Variants in THNSL1 observed in about 807,000 individuals in gnomAD.
THNSL1 encodes the protein threonine synthase like 1.
In THNSL1, 48 loss-of-function variants were observed where a neutral mutation model predicts 50.4. That is an observed-to-expected ratio of 0.95 (90% CI 0.76 to 1.21). THNSL1 has a LOEUF of 1.21. THNSL1 is among the 50% of genes most tolerant of loss of function. THNSL1 has a pLI of 0.00. For missense variants in THNSL1, 896 were observed against 871.7 expected, an observed-to-expected ratio of 1.03 and a Z score of -0.35; for synonymous variants, 309 against 306.1, an observed-to-expected ratio of 1.01 and a Z score of -0.10.
upstream of THNSL1, among the ~76,000 whole-genome samples, chr10:25,013,769 C>T (rs960415234): frequency 6.6e-6 from 1 of 151,952 alleles, no homozygotes; most frequent in Admixed American, 6.6e-5. Context: ...ATGGTGAAAC[C>T]CCATCCCTAC....
chr10:24,974,089 A>T, the THNSL1 span, among the ~76,000 whole-genome samples: 2 of 152,184 alleles, frequency 1.3e-5, no homozygotes, highest in African/African-American at 2.4e-5. Context: ...TGTAAAAAAA[A>T]TTGAATAAGC....
chr10:24,970,076 T>C, the THNSL1 span, among the ~76,000 whole-genome samples: 2 of 152,328 alleles, frequency 1.3e-5, no homozygotes, highest in African/African-American at 4.8e-5. Context: ...TCTTACAAAG[T>C]TTTATTTTAT....
At chr10:25,006,327 A>T in the THNSL1 span, among the ~76,000 whole-genome samples, 1 of 152,080 alleles carries the variant, frequency 6.6e-6, no homozygotes, top group South Asian at 2.1e-4. Flanking sequence ...TATTACACAC[A>T]TGGTCTCCTC....
rs1850804712 is a variant in THNSL1, at chr10:25,024,643, G to A, written c.1420G>A (p.Gly474Ser). Residue 474 changes from glycine to serine, a missense_variant, in exon 3 of 3, where the codon GGC (glycine) becomes AGC (serine). Gly to Ser is a moderately conservative substitution (Grantham distance 56). Coordinates refer to ENST00000376356, the MANE Select transcript of THNSL1 (RefSeq NM_024838.5). ...ILSSANSINWGRLLPQVVYHA... is the reference protein window; with the variant it reads ...ILSSANSINWSRLLPQVVYHA... ...AAGTTCGGCTAACTCCATAAACTGG[G>A]GCCGACTACTTCCGCAGGTAGTTTA... 1.2e-6 allele frequency: 2 copies of A among 1,614,192 alleles called. No individual in the cohort carries two copies. The highest frequency in any genetic ancestry group is 8.5e-7 in the Non-Finnish European group (1 of 1,180,044).
At chr10:24,976,410 T>G in the THNSL1 span, among the ~76,000 whole-genome samples, 1 of 152,166 alleles carries the variant, frequency 6.6e-6, no homozygotes, top group South Asian at 2.1e-4. Context: ...CTCACATGGT[T>G]GCAATGTTAA....
the THNSL1 span, among the ~76,000 whole-genome samples, chr10:24,996,320 G>A: frequency 2.0e-5 from 3 of 152,168 alleles, no homozygotes; most frequent in African/African-American, 7.2e-5. Flanking sequence ...TACTCAGGAG[G>A]CTGAGGTGGG....
the THNSL1 span, among the ~76,000 whole-genome samples, chr10:24,969,838 C>T: frequency 6.6e-6 from 1 of 152,304 alleles, no homozygotes; most frequent in East Asian, 1.9e-4. Flanking sequence ...AGCTTGATTG[C>T]CTTAGAAAAA....
chr10:25,013,319 A>G (rs1041672785), upstream of THNSL1, among the ~76,000 whole-genome samples: 1 of 152,262 alleles, frequency 6.6e-6, no homozygotes, highest in African/African-American at 2.4e-5. Flanking sequence ...CACAAAAAGA[A>G]TGGTTAACAG....
upstream of THNSL1, chr10:25,016,086 C>G (rs796767020): frequency 3.5e-5 from 48 of 1,383,622 alleles, no homozygotes; most frequent in African/African-American, 5.9e-4. Flanking sequence ...CCCCCTTTAA[C>G]CCCCTCTTAG....
the THNSL1 span, chr10:24,984,313 C>G: frequency 6.4e-7 from 1 of 1,571,742 alleles, no homozygotes; most frequent in Non-Finnish European, 8.6e-7. Context: ...CAAGAAGGCA[C>G]GTGTTACTAT....
At chr10:24,981,144 T>G in the THNSL1 span, among the ~76,000 whole-genome samples, 2 of 152,224 alleles carry the variant, frequency 1.3e-5, no homozygotes, top group African/African-American at 2.4e-5. Flanking sequence ...GTCCAGGCAA[T>G]AACTCAGGCT....
chr10:24,956,756 A>C, the THNSL1 span, among the ~76,000 whole-genome samples: 2 of 152,232 alleles, frequency 1.3e-5, no homozygotes, highest in Admixed American at 1.3e-4. Flanking sequence ...GGTGTCCCCA[A>C]CTACCGGGCT....
chr10:25,006,942 T>G, the THNSL1 span, among the ~76,000 whole-genome samples: 4,022 of 152,308 alleles, frequency 0.026, 196 homozygotes, highest in African/African-American at 0.089. Context: ...GTGAAAAAGA[T>G]CAATAACTGG....
At chr10:25,020,278 A>ATCTATATCTATATC (rs1169344482) in intron 1 of THNSL1, among the ~76,000 whole-genome samples, 1 of 148,846 alleles carries the variant, frequency 6.7e-6, no homozygotes, top group Non-Finnish European at 1.5e-5. Flanking sequence ...CTATATCTAT[A>ATCTATATCTATATC]TATATCTACC....
At chr10:24,985,010 G>A in the THNSL1 span, 1 of 889,558 alleles carries the variant, frequency 1.1e-6, no homozygotes, top group Non-Finnish European at 1.8e-6. Context: ...AAAAGAAACT[G>A]ACAAAAATAA....
At chr10:25,006,883 T>G in the THNSL1 span, among the ~76,000 whole-genome samples, 26 of 152,196 alleles carry the variant, frequency 1.7e-4, no homozygotes, top group Non-Finnish European at 3.1e-4. Context: ...GGGCCTGAGA[T>G]TTTTCTTCTG....
the THNSL1 span, among the ~76,000 whole-genome samples, chr10:24,996,202 C>T: frequency 1.3e-5 from 2 of 152,168 alleles, no homozygotes; most frequent in Non-Finnish European, 2.9e-5. Flanking sequence ...GTGGGCAGAT[C>T]GCTTGAGCTC....
At position 25,025,718 on chromosome 10, in the gene THNSL1, A is replaced by G. The variant is rs937796817; in HGVS notation, c.*263A>G. On this transcript the variant is annotated 3_prime_UTR_variant, in exon 3 of 3. Coordinates refer to ENST00000376356, the MANE Select transcript of THNSL1 (RefSeq NM_024838.5). ...CCTTCTGCTCATGAGGGGTGTATCA[A>G]TTTCCACTCCCACACCCTCACTGTT... 1.6e-4 allele frequency: 62 copies of G among 388,480 alleles called. No individual in the cohort carries two copies. Among genetic ancestry groups the G allele is most frequent in the African/African-American group, 1.2e-4 (6 of 48,792 alleles). The allele number at this position is 388,480 out of a possible 1,614,324, so 24.1% of individuals were successfully genotyped here. A position where few individuals can be genotyped will look rare whatever the true frequency, so the allele number is the denominator to read the frequency against.
At chr10:24,997,737 GT>G in the THNSL1 span, among the ~76,000 whole-genome samples, 78 of 151,478 alleles carry the variant, frequency 5.1e-4, no homozygotes, top group African/African-American at 1.8e-3. Flanking sequence ...GAAATTTTGG[GT>G]TTGCTTTTGC....
Sources: allele counts gnomAD v4.1 joint callset (sites outside exome capture counted in the v4.1 genomes callset), GRCh38; gene constraint gnomAD v4.1.1; transcripts MANE v1.5; gene names NCBI Gene and HGNC (gene_info 2026-07-23, HGNC 2026-07-21).